Variants in EFR3A observed in about 807,000 individuals in gnomAD.
EFR3A encodes the protein protein EFR3 homolog A.
Under a neutral mutation model 104.4 loss-of-function variants are expected in EFR3A, and 76 were observed. The observed-to-expected ratio is 0.73, with a 90% CI of 0.60 to 0.88. The LOEUF (loss-of-function observed/expected upper bound fraction) is 0.88, where lower values mean the gene tolerates loss of function less well. EFR3A is among the 40% of genes least tolerant of loss of function. The probability of loss-of-function intolerance (pLI) is 0.00; values close to 1 mark genes in which losing one functional copy is unlikely to be tolerated. For missense variants in EFR3A, 985 were observed against 1,012.5 expected (o/e 0.97, Z 0.37); for synonymous variants, 330 against 330.0 (o/e 1.00, Z 0.00).
chr8:131,935,514 T>C, intron 1 of EFR3A: 1 of 448,256 alleles, frequency 2.2e-6, no homozygotes. Flanking sequence ...AAGTATGAAA[T>C]CTAGTGAGCC....
At chr8:131,940,304 C>A in intron 1 of EFR3A, 195 bp from the exon 2 acceptor site, 1 of 579,280 alleles carries the variant, frequency 1.7e-6, no homozygotes, top group Non-Finnish European at 2.9e-6. Context: ...TTCTTAGAAG[C>A]TGTGTGTCTT....
intron 10 of EFR3A, among the ~76,000 whole-genome samples, chr8:131,973,532 G>A (rs561317497): frequency 6.6e-6 from 1 of 152,156 alleles, no homozygotes; most frequent in African/African-American, 2.4e-5. Flanking sequence ...AAAAATGAGA[G>A]GAAAGAAATG....
rs112472883 is a variant in EFR3A, at chr8:131,953,798, C to CTT, written c.489-6_489-5dup. ...AATTTTTTTATGGCTCATTTTCTTC[C>CTT]TTTTTTTTTTTTTTTATAGGATACG... On this transcript the variant is annotated intron_variant, in intron 5 of 22. Coordinates refer to ENST00000254624, the MANE Select transcript of EFR3A (RefSeq NM_015137.6). 1.8e-3 allele frequency: 2,503 copies of CTT among 1,353,642 alleles called. No homozygotes were observed. Among genetic ancestry groups the CTT allele is most frequent in the South Asian group, 6.9e-3 (454 of 65,624 alleles). 83.9% of individuals were successfully genotyped at this position (1,353,642 alleles called of 1,614,324 possible).
At chr8:132,005,999 A>G (rs1455448105) in intron 22 of EFR3A, among the ~76,000 whole-genome samples, 1 of 152,188 alleles carries the variant, frequency 6.6e-6, no homozygotes, top group Non-Finnish European at 1.5e-5. Flanking sequence ...ATTAAAAGAC[A>G]CCCATACCTC....
rs1307688563 is a variant in EFR3A, at chr8:131,976,161, A to C, written c.1274+20A>C. 1 of 1,397,386 alleles carries C rather than the reference A, an allele frequency of 7.2e-7. No homozygotes were observed. Among genetic ancestry groups the C allele is most frequent in the South Asian group, 1.3e-5 (1 of 77,910 alleles). 86.6% of individuals were successfully genotyped at this position (1,397,386 alleles called of 1,614,324 possible). The stretch of plus-strand genomic sequence containing the variant: ...ACTAGGGTATGTTCTCAGACTGTAA[A>C]TTTGAACTTAATCTTGAGTTACATT... On this transcript the variant is annotated intron_variant, in intron 11 of 22. Coordinates refer to ENST00000254624, the MANE Select transcript of EFR3A (RefSeq NM_015137.6).
chr8:131,975,925 A>T (rs1820302788), intron 10 of EFR3A, 102 bp from the exon 11 acceptor site: 3 of 665,348 alleles, frequency 4.5e-6, no homozygotes, highest in South Asian at 1.9e-5. Context: ...CTTGTGAGGG[A>T]TTGTTTTACC....
chr8:131,985,246 A>G (rs145778867), intron 16 of EFR3A, among the ~76,000 whole-genome samples, 186 bp downstream of exon 16: 4 of 152,300 alleles, frequency 2.6e-5, no homozygotes, highest in Admixed American at 6.5e-5. Flanking sequence ...TCTTAGATGC[A>G]TGTTGTTTTA....
At chr8:131,961,039 A>G (rs1370546217) in intron 8 of EFR3A, among the ~76,000 whole-genome samples, 1 of 152,216 alleles carries the variant, frequency 6.6e-6, no homozygotes, top group African/African-American at 2.4e-5. Context: ...CAGAAAGGAC[A>G]TCCACACCAA....
Position 131,993,066 on chromosome 8 carries a change from G to A in EFR3A, c.2066-3340G>A, listed in dbSNP as rs192842607. The stretch of plus-strand genomic sequence containing the variant: ...ACTGGGACAGAGAGAGATGAGATAG[G>A]CCTATTGGCATCTAGTGCATAGAAG... On this transcript the variant is annotated intron_variant, in intron 18 of 22. Transcript: ENST00000254624. 2.6e-5 allele frequency among the ~76,000 whole-genome samples: 4 copies of A among 152,042 alleles called. No homozygotes were observed. In the East Asian group the frequency reaches 7.7e-4, roughly 29 times the overall value.
At chr8:131,934,720 A>G (rs999959448) in intron 1 of EFR3A, among the ~76,000 whole-genome samples, 1 of 151,836 alleles carries the variant, frequency 6.6e-6, no homozygotes, top group African/African-American at 2.4e-5. Flanking sequence ...AGCTCTGTTG[A>G]GTAATTAATT....
chr8:131,968,249 G>T (rs748204980), intron 8 of EFR3A, 46 bp from the exon 9 acceptor site: 1 of 1,584,802 alleles, frequency 6.3e-7, no homozygotes. Context: ...TTCTGCCAAG[G>T]TACATGTACT....
rs533349404 is a variant in EFR3A, at chr8:131,905,529, T to A, written c.10+1207T>A. Among the ~76,000 whole-genome samples the A allele has an allele frequency of 5.3e-5, 8 of 152,348 alleles. No individual in the cohort carries two copies. In the East Asian group the frequency reaches 1.5e-3, roughly 29 times the overall value. On this transcript the variant is annotated intron_variant, in intron 1 of 22. Transcript: ENST00000254624. ...TCCTGATGTAGAGATTACTTTTAACTCCTCATACATGTGTGGGTACTGTGG... is the reference window on the plus strand; with the variant it reads ...TCCTGATGTAGAGATTACTTTTAACACCTCATACATGTGTGGGTACTGTGG...
chr8:131,909,037 G>A (rs956069902), intron 1 of EFR3A, among the ~76,000 whole-genome samples: 4 of 152,066 alleles, frequency 2.6e-5, no homozygotes, highest in Non-Finnish European at 5.9e-5. Context: ...ACAGTACATT[G>A]TTATTAACTA....
chr8:131,936,901 C>T (rs1295511871), intron 1 of EFR3A, among the ~76,000 whole-genome samples: 2 of 152,018 alleles, frequency 1.3e-5, no homozygotes, highest in East Asian at 3.9e-4. Flanking sequence ...TTTATAGAGG[C>T]TTCACTATAA....
intron 1 of EFR3A, among the ~76,000 whole-genome samples, chr8:131,924,617 C>T (rs1004319657): frequency 3.9e-5 from 6 of 152,138 alleles, no homozygotes; most frequent in Non-Finnish European, 5.9e-5. Context: ...TCCTGTTTCC[C>T]TCAGCCTTTC....
chr8:131,982,335 G>A (rs76345879), intron 14 of EFR3A, among the ~76,000 whole-genome samples: 5,462 of 151,936 alleles, frequency 0.036, 190 homozygotes, highest in African/African-American at 0.093. Flanking sequence ...ATTCATCTGC[G>A]TGTGGCTTCG....
chr8:131,944,481 T>G (rs1282853483), intron 2 of EFR3A, among the ~76,000 whole-genome samples: 1 of 152,116 alleles, frequency 6.6e-6, no homozygotes, highest in Non-Finnish European at 1.5e-5. Context: ...TACAGATAAT[T>G]GAGCTATGTC....
In EFR3A at chr8:131,937,990, T is replaced by C. The variant is rs77183423; in HGVS notation, c.11-2509T>C. 6.9e-3 allele frequency among the ~76,000 whole-genome samples: 1,056 copies of C among 152,226 alleles called. 5 individuals are homozygous for C. Among genetic ancestry groups the C allele is most frequent in the Middle Eastern group, 0.017 (5 of 294 alleles). On this transcript the variant is annotated intron_variant, in intron 1 of 22. Transcript: ENST00000254624. ...ACCTACTTTTATTAAGCTAGCAATA[T>C]AAGTACTTTAATAGTATCTTATTTA...
intron 1 of EFR3A, among the ~76,000 whole-genome samples, chr8:131,924,904 C>G (rs1817227473): frequency 6.6e-6 from 1 of 152,024 alleles, no homozygotes. Context: ...TCTATTCTTT[C>G]AAGCATGTAA....
Sources: gnomAD v4.1 joint callset for allele counts (sites outside exome capture counted in the v4.1 genomes callset) on GRCh38, gnomAD v4.1.1 for gene constraint, MANE v1.5 for transcripts, NCBI Gene and HGNC (gene_info 2026-07-23, HGNC 2026-07-21) for gene names.